DENND1A: variants seen among roughly 807,000 people sequenced by gnomAD.
DENND1A encodes DENN domain containing 1A, also known as DENN domain-containing protein 1A.
In DENND1A, 51 loss-of-function variants were observed where a neutral mutation model predicts 113.7. That is an observed-to-expected ratio of 0.45 (90% CI 0.36 to 0.57). The LOEUF is 0.57. Ranked by LOEUF, DENND1A falls within the 20% of genes least tolerant of loss-of-function variation. The probability of loss-of-function intolerance (pLI) is 0.00; values close to 1 mark genes in which losing one functional copy is unlikely to be tolerated. For missense variants in DENND1A, 1,258 were observed against 1,395.9 expected (o/e 0.90, Z 1.57); for synonymous variants, 565 against 570.8 (o/e 0.99, Z 0.14).
chr9:123,817,571 T>C (rs1168272751), intron 2 of DENND1A, among the ~76,000 whole-genome samples: 1 of 152,200 alleles, frequency 6.6e-6, no homozygotes, highest in African/African-American at 2.4e-5. Flanking sequence ...TTTTGAAAAC[T>C]TCCCTCAGAG....
chr9:123,530,782 G>C (rs2055232444), intron 13 of DENND1A, among the ~76,000 whole-genome samples: 1 of 152,012 alleles, frequency 6.6e-6, no homozygotes, highest in Non-Finnish European at 1.5e-5. Flanking sequence ...AACATACTAT[G>C]TTTTTCCTAA....
intron 2 of DENND1A, among the ~76,000 whole-genome samples, chr9:123,863,533 A>G (rs533879846): frequency 2.2e-4 from 34 of 152,122 alleles, no homozygotes; most frequent in African/African-American, 8.2e-4. Context: ...TCCTTCGAAC[A>G]CTTGTTAAAC....
intron 13 of DENND1A, among the ~76,000 whole-genome samples, chr9:123,465,180 CA>C (rs1158098023): frequency 2.8e-5 from 4 of 142,540 alleles, no homozygotes; most frequent in Non-Finnish European, 6.1e-5. Flanking sequence ...GACTACGTCT[CA>C]AAAAAAAGAA....
chr9:123,711,104 T>C (rs114476209), intron 5 of DENND1A, among the ~76,000 whole-genome samples: 2,370 of 152,278 alleles, frequency 0.016, 64 homozygotes, highest in African/African-American at 0.055. Flanking sequence ...TTAGCTATTC[T>C]ACAATATATA....
At chr9:123,432,634 C>T (rs1771911507) in intron 19 of DENND1A, among the ~76,000 whole-genome samples, 1 of 152,214 alleles carries the variant, frequency 6.6e-6, no homozygotes, top group Non-Finnish European at 1.5e-5. Context: ...GAGAAATATG[C>T]TTTGGAAACA....
At chr9:123,609,764 T>C (rs1455032559) in intron 10 of DENND1A, among the ~76,000 whole-genome samples, 1 of 152,174 alleles carries the variant, frequency 6.6e-6, no homozygotes, top group Non-Finnish European at 1.5e-5. Context: ...CAGCCTCAGT[T>C]GCCTTATCTT....
In DENND1A at chr9:123,522,972, C is replaced by T. The variant is rs143914250; in HGVS notation, c.993+34598G>A. On this transcript the variant is annotated intron_variant, in intron 13 of 23. Coordinates refer to ENST00000394215, the MANE Select transcript of DENND1A (RefSeq NM_001352964.2). ...CTAGGAATACAGACGTGAATAAGAA[C>T]TGAGCTCTCTTTTCCTTCCAAAAGC... Among the ~76,000 whole-genome samples, 5 of 152,342 alleles carry T rather than the reference C, an allele frequency of 3.3e-5. No individual in the cohort carries two copies. The East Asian group carries it at 9.6e-4, about 29-fold the overall frequency.
At chr9:123,506,750 A>C (rs1447291095) in intron 13 of DENND1A, among the ~76,000 whole-genome samples, 1 of 152,192 alleles carries the variant, frequency 6.6e-6, no homozygotes, top group Non-Finnish European at 1.5e-5. Context: ...ACATAGCCAG[A>C]AAGTCACAGG....
intron 9 of DENND1A, among the ~76,000 whole-genome samples, chr9:123,647,226 A>T (rs1303999863): frequency 6.6e-6 from 1 of 152,196 alleles, no homozygotes; most frequent in African/African-American, 2.4e-5. Flanking sequence ...AGAAAAAAAA[A>T]ATGTAAGAAC....
chr9:123,464,828 T>C (rs1158264088), intron 13 of DENND1A, among the ~76,000 whole-genome samples: 1 of 151,704 alleles, frequency 6.6e-6, no homozygotes, highest in African/African-American at 2.4e-5. Context: ...TCACTGACTT[T>C]GTATAAGTTT....
At chr9:123,459,936 C>A (rs573411022) in intron 13 of DENND1A, among the ~76,000 whole-genome samples, 18 of 152,140 alleles carry the variant, frequency 1.2e-4, no homozygotes, top group Admixed American at 9.2e-4. Flanking sequence ...ACAGTTACAC[C>A]CTACCTAATT....
Position 123,717,509 on chromosome 9 carries a change from A to C in DENND1A, c.302+40194T>G, listed in dbSNP as rs1471121621. The stretch of plus-strand genomic sequence containing the variant: ...TTCCAACCTAGGTTTGTCTGATGCC[A>C]AAACCTAACGTACTTCCTGTTTTCT... On this transcript the variant is annotated intron_variant, in intron 5 of 23. Transcript: ENST00000394215. Among the ~76,000 whole-genome samples the C allele has an allele frequency of 2.0e-5, 3 of 152,228 alleles. No individual in the cohort carries two copies. The East Asian group carries it at 5.8e-4, about 29-fold the overall frequency.
intron 13 of DENND1A, among the ~76,000 whole-genome samples, chr9:123,537,875 A>G (rs1381969809): frequency 6.6e-6 from 1 of 152,242 alleles, no homozygotes; most frequent in Admixed American, 6.5e-5. Context: ...CAACGGACAG[A>G]ATATTGTTCC....
chr9:123,530,637 A>G (rs2055220338), intron 13 of DENND1A, among the ~76,000 whole-genome samples: 1 of 152,230 alleles, frequency 6.6e-6, no homozygotes, highest in South Asian at 2.1e-4. Context: ...AAGTGAAGAT[A>G]AAATTGCAAT....
rs372780004 is a variant in DENND1A at position 123,810,257 on chromosome 9, G to A, written c.89-17627C>T. Among the ~76,000 whole-genome samples, 4 of 151,852 alleles carry A rather than the reference G, an allele frequency of 2.6e-5. No homozygotes were observed. The East Asian group carries it at 5.8e-4, about 22-fold the overall frequency. On this transcript the variant is annotated intron_variant, in intron 2 of 23. Coordinates refer to ENST00000394215, the MANE Select transcript of DENND1A (RefSeq NM_001352964.2). ...GGCCATCATGTCTCTCTTTCATGTC[G>A]CAAGGCAACTCTTTTCTGGGTGGAA...
chr9:123,914,632 A>G (rs1384569326), intron 1 of DENND1A, among the ~76,000 whole-genome samples: 5 of 151,864 alleles, frequency 3.3e-5, no homozygotes, highest in Non-Finnish European at 4.4e-5. Context: ...GTAGGCTCAC[A>G]GTGCTGGCAT....
chr9:123,678,451 C>T (rs1169470017), intron 5 of DENND1A, among the ~76,000 whole-genome samples: 2 of 152,170 alleles, frequency 1.3e-5, no homozygotes, highest in African/African-American at 2.4e-5. Context: ...TTGTACCAAG[C>T]GCTTGCCGGC....
rs149435493 is a variant in DENND1A, at chr9:123,560,913, C to G, written c.868-3218G>C. Among the ~76,000 whole-genome samples, 133 of 152,286 alleles carry G rather than the reference C, an allele frequency of 8.7e-4. 1 individual carries two copies. In the East Asian group the frequency reaches 0.021, roughly 24 times the overall value. ...TGATGAGAGCCCCTGAGGAGCAATG[C>G]AGGCCACTCAGCACCCAGGCTGACT... is the stretch of plus-strand genomic sequence containing the variant. On this transcript the variant is annotated intron_variant, in intron 12 of 23. Coordinates refer to ENST00000394215, the MANE Select transcript of DENND1A (RefSeq NM_001352964.2).
chr9:123,665,263 C>T (rs1484626054), intron 8 of DENND1A, among the ~76,000 whole-genome samples: 1 of 152,028 alleles, frequency 6.6e-6, no homozygotes, highest in Non-Finnish European at 1.5e-5. Flanking sequence ...GCTTCTGTTT[C>T]CTTATATTAA....
Sources: allele counts gnomAD v4.1 joint callset (sites outside exome capture counted in the v4.1 genomes callset), GRCh38; gene constraint gnomAD v4.1.1; transcripts MANE v1.5; gene names NCBI Gene and HGNC (gene_info 2026-07-23, HGNC 2026-07-21).